Variants in COLEC12 observed in about 807,000 individuals in gnomAD.
COLEC12 encodes the protein collectin subfamily member 12, also known as collectin-12.
Under a neutral mutation model 71.1 loss-of-function variants are expected in COLEC12, and 33 were observed. The observed-to-expected ratio is 0.46, with a 90% CI of 0.35 to 0.62. The LOEUF (loss-of-function observed/expected upper bound fraction) is 0.62. Ranked by LOEUF, COLEC12 falls within the 20% of genes least tolerant of loss-of-function variation. COLEC12 has a pLI of 0.00. For synonymous variants in COLEC12, 350 were observed against 353.0 expected (o/e 0.99, Z 0.10); for missense variants, 765 against 916.1 (o/e 0.84, Z 2.13).
chr18:372,918 A>G lies in COLEC12; in HGVS notation c.59-15396T>C, dbSNP rs1308227566. ...GAGTGCTTCTGGACAAATGTGTTAA[A>G]CCTTCCCCCCATCTTCAAAGGAAAC... On this transcript the variant is annotated intron_variant, in intron 2 of 9. Transcript: ENST00000400256. Among the ~76,000 whole-genome samples, 3 of 152,250 alleles carry G rather than the reference A, an allele frequency of 2.0e-5. No individual in the cohort carries two copies. In the South Asian group the frequency reaches 6.2e-4, roughly 32 times the overall value.
chr18:499,327 G>A (rs1412784409), intron 1 of COLEC12, among the ~76,000 whole-genome samples: 1 of 152,168 alleles, frequency 6.6e-6, no homozygotes, highest in Non-Finnish European at 1.5e-5. Context: ...GAGGTCTCCC[G>A]ACGTGGACAC....
At chr18:409,815 A>G (rs1915859356) in intron 2 of COLEC12, among the ~76,000 whole-genome samples, 1 of 152,166 alleles carries the variant, frequency 6.6e-6, no homozygotes, top group Non-Finnish European at 1.5e-5. Context: ...AGCATGTTTC[A>G]CCTACCTGAA....
At chr18:425,311 G>A (rs1291227351) in intron 2 of COLEC12, among the ~76,000 whole-genome samples, 3 of 152,134 alleles carry the variant, frequency 2.0e-5, no homozygotes, top group Non-Finnish European at 4.4e-5. Context: ...TCATGCCCCC[G>A]ACCCTTGCTC....
At chr18:481,486 C>T (rs1040427789) in intron 1 of COLEC12, among the ~76,000 whole-genome samples, 10 of 152,198 alleles carry the variant, frequency 6.6e-5, no homozygotes, top group Non-Finnish European at 1.2e-4. Context: ...GGGCAGATCA[C>T]CTGAGGTCAG....
At chr18:499,901 G>T (rs1917786236) in intron 1 of COLEC12, among the ~76,000 whole-genome samples, 1 of 152,252 alleles carries the variant, frequency 6.6e-6, no homozygotes, top group South Asian at 2.1e-4. Context: ...CACGTGGAAG[G>T]GACGCGGAAC....
rs76341679 is a variant in COLEC12 at position 442,002 on chromosome 18, T to C, written c.58+38705A>G. Among the ~76,000 whole-genome samples, 1,176 of 120,748 alleles carry C rather than the reference T, an allele frequency of 9.7e-3. 7 individuals are homozygous for C. Among genetic ancestry groups the C allele is most frequent in the Middle Eastern group, 0.019 (5 of 258 alleles). 79.2% of individuals were successfully genotyped at this position (120,748 alleles called of 152,430 possible). A position where few individuals can be genotyped will look rare whatever the true frequency, so the allele number is the denominator to read the frequency against. ...GTGACAGAGTGAGACTCTCTCTCTC[T>C]ACACACACACACACACACACACACA... is the stretch of plus-strand genomic sequence containing the variant. On this transcript the variant is annotated intron_variant, in intron 2 of 9. Transcript: ENST00000400256.
At chr18:491,858 G>A (rs1206115704) in intron 1 of COLEC12, among the ~76,000 whole-genome samples, 8 of 152,220 alleles carry the variant, frequency 5.3e-5, no homozygotes, top group East Asian at 1.9e-4. Context: ...GCACAGTATC[G>A]GTAATATTTG....
At chr18:398,380 AAGGAACCAGC>A (rs1383604870) in intron 2 of COLEC12, among the ~76,000 whole-genome samples, 1 of 152,250 alleles carries the variant, frequency 6.6e-6, no homozygotes, top group Admixed American at 6.5e-5. Context: ...ATCAAGATGA[AAGGAACCAGC>A]AGCAAATTCC....
rs1914775664 is a variant in COLEC12, at chr18:362,824, T to C, written c.59-5302A>G. Among the ~76,000 whole-genome samples, 1 of 152,198 alleles carries C rather than the reference T, an allele frequency of 6.6e-6. No homozygotes were observed. Among genetic ancestry groups the C allele is most frequent in the Non-Finnish European group, 1.5e-5 (1 of 68,042 alleles). ...ACTATCTCCCGCTGAACTCCACTCT[T>C]GGCTCATGTTTTGAATGTATTTTCC... On this transcript the variant is annotated intron_variant, in intron 2 of 9. Transcript: ENST00000400256. This position sits in a 1 kb window ranked among gnomAD's most constrained non-coding sequence, Gnocchi z 4.6.
At chr18:448,048 G>A (rs1916686713) in intron 2 of COLEC12, among the ~76,000 whole-genome samples, 1 of 152,162 alleles carries the variant, frequency 6.6e-6, no homozygotes, top group African/African-American at 2.4e-5. Flanking sequence ...GGAAAATGTT[G>A]TCTCCCTGTG....
chr18:492,401 G>A (rs1183140217), intron 1 of COLEC12, among the ~76,000 whole-genome samples: 1 of 152,166 alleles, frequency 6.6e-6, no homozygotes, highest in South Asian at 2.1e-4. Context: ...GGCAGTGGGG[G>A]CTAAATCAGA....
chr18:358,444 G>T (rs1485073998), intron 2 of COLEC12, among the ~76,000 whole-genome samples: 1 of 152,178 alleles, frequency 6.6e-6, no homozygotes, highest in Non-Finnish European at 1.5e-5. Context: ...TCCCGTATGG[G>T]TGCGATGGGA....
intron 9 of COLEC12, among the ~76,000 whole-genome samples, chr18:320,912 G>A (rs570644867): frequency 1.8e-4 from 27 of 152,342 alleles, no homozygotes; most frequent in Admixed American, 1.6e-3. Flanking sequence ...GAGCTGATAA[G>A]CAGCACAGAC....
chr18:452,681 TC>T (rs1264570431), intron 2 of COLEC12, among the ~76,000 whole-genome samples: 5 of 152,240 alleles, frequency 3.3e-5, no homozygotes, highest in African/African-American at 1.2e-4. Flanking sequence ...CATAACTCTT[TC>T]CAATCAAAGC....
chr18:369,391 T>TTA (rs1555615260), intron 2 of COLEC12, among the ~76,000 whole-genome samples: 6 of 141,964 alleles, frequency 4.2e-5, no homozygotes, highest in Non-Finnish European at 9.2e-5. Flanking sequence ...AGATCTTTTT[T>TTA]TTTTTATTTT....
At chr18:360,084 A>T (rs1303242806) in intron 2 of COLEC12, among the ~76,000 whole-genome samples, 2 of 152,158 alleles carry the variant, frequency 1.3e-5, no homozygotes, top group Admixed American at 6.5e-5. Context: ...GTGCTTCTCA[A>T]ACTTTGGGGT....
Position 458,438 on chromosome 18 carries a change from G to T in COLEC12, c.58+22269C>A, listed in dbSNP as rs930954714. On this transcript the variant is annotated intron_variant, in intron 2 of 9. Transcript: ENST00000400256. Reference sequence around the variant, plus strand: ...CCCAGACAACTGAGAACACACGTGGGTGGGCTGAGGAGGGGAGAGGAGAAG... The same window carrying T: ...CCCAGACAACTGAGAACACACGTGGTTGGGCTGAGGAGGGGAGAGGAGAAG... Among the ~76,000 whole-genome samples the T allele has an allele frequency of 2.6e-5, 4 of 152,238 alleles. 1 individual carries two copies. In the East Asian group the frequency reaches 7.7e-4, roughly 29 times the overall value.
intron 2 of COLEC12, among the ~76,000 whole-genome samples, chr18:425,019 T>C (rs1464464313): frequency 6.8e-6 from 1 of 146,726 alleles, no homozygotes; most frequent in Non-Finnish European, 1.5e-5. Context: ...TGGTTTCCTG[T>C]ACTTGGTTTT....
chr18:379,236 C>T (rs146238738), intron 2 of COLEC12, among the ~76,000 whole-genome samples: 6,104 of 152,042 alleles, frequency 0.04, 432 homozygotes, highest in African/African-American at 0.14. Context: ...GGTCCTCCCA[C>T]CTCAGCCTCC....
Sources: allele counts gnomAD v4.1 joint callset (sites outside exome capture counted in the v4.1 genomes callset), GRCh38; gene constraint gnomAD v4.1.1; non-coding constraint Gnocchi (gnomAD v3.1); transcripts MANE v1.5; gene names NCBI Gene and HGNC (gene_info 2026-07-23, HGNC 2026-07-21).